STXBP5: variants seen among roughly 807,000 people sequenced by gnomAD.
The protein encoded by STXBP5 is syntaxin-binding protein 5.
A neutral mutation model predicts 152.4 loss-of-function variants in STXBP5; 50 were observed. That is an observed-to-expected ratio of 0.33 (90% CI 0.26 to 0.42). STXBP5 has a LOEUF of 0.42. STXBP5 is among the 10% of genes least tolerant of loss of function. The pLI is 1.00. For missense variants in STXBP5, 1,167 were observed against 1,388.6 expected (o/e 0.84, Z 2.54); for synonymous variants, 492 against 494.7 (o/e 0.99, Z 0.07).
intron 9 of STXBP5, chr6:147,293,338 A>G (rs191576273): frequency 6.6e-6 from 1 of 152,274 alleles, no homozygotes; most frequent in East Asian, 1.9e-4. Flanking sequence ...TTCTTTTGTC[A>G]CCTAAGATGG....
chr6:147,291,720 G>T (rs749089922), intron 9 of STXBP5, among the ~76,000 whole-genome samples: 1 of 151,782 alleles, frequency 6.6e-6, no homozygotes, highest in Non-Finnish European at 1.5e-5. Context: ...GTATATTTTT[G>T]TGTCAAATGT....
At chr6:147,376,405 C>A (rs557482595) in intron 26 of STXBP5, among the ~76,000 whole-genome samples, 2 of 152,150 alleles carry the variant, frequency 1.3e-5, no homozygotes, top group South Asian at 4.1e-4. Flanking sequence ...GAATACAAAG[C>A]AGGTGGGATA....
At chr6:147,290,685 G>C (rs2068111) in intron 8 of STXBP5, among the ~76,000 whole-genome samples, 65,712 of 152,004 alleles carry the variant, frequency 0.43, 14,478 homozygotes, top group East Asian at 0.71. Flanking sequence ...TATTAGCATA[G>C]GGCTTAATAT....
intron 21 of STXBP5, among the ~76,000 whole-genome samples, chr6:147,345,647 C>T (rs1175376017): frequency 6.6e-6 from 1 of 152,032 alleles, no homozygotes; most frequent in Non-Finnish European, 1.5e-5. Flanking sequence ...TACCTTTTAC[C>T]TTTACGTTAT....
intron 7 of STXBP5, among the ~76,000 whole-genome samples, chr6:147,272,363 G>A (rs189380019): frequency 1.1e-3 from 167 of 152,266 alleles, no homozygotes; most frequent in Non-Finnish European, 1.9e-3. Flanking sequence ...CTTAACACAC[G>A]TTAATATTCA....
intron 2 of STXBP5, among the ~76,000 whole-genome samples, chr6:147,211,624 T>C (rs1009653355): frequency 9.9e-5 from 15 of 152,226 alleles, no homozygotes; most frequent in Non-Finnish European, 2.9e-5. Context: ...GGGGTCTTAC[T>C]CTGTTACCCT....
intron 6 of STXBP5, 25 bp downstream of exon 6, chr6:147,262,378 A>C: frequency 7.3e-7 from 1 of 1,372,042 alleles, no homozygotes; most frequent in Non-Finnish European, 9.9e-7. Flanking sequence ...AAAAAATTAT[A>C]TATTAAATGC....
chr6:147,284,633 G>T (rs921611239), intron 8 of STXBP5, among the ~76,000 whole-genome samples: 1 of 152,184 alleles, frequency 6.6e-6, no homozygotes, highest in South Asian at 2.1e-4. Flanking sequence ...GGATGATACT[G>T]GTGGTATAAG....
chr6:147,328,972 G>C (rs1400460534), intron 18 of STXBP5, among the ~76,000 whole-genome samples: 1 of 152,030 alleles, frequency 6.6e-6, no homozygotes, highest in Non-Finnish European at 1.5e-5. Context: ...TCTTTGTAAA[G>C]CCAAGATACT....
chr6:147,253,958 T>A (rs1290451254), intron 4 of STXBP5, among the ~76,000 whole-genome samples: 1 of 152,134 alleles, frequency 6.6e-6, no homozygotes, highest in Non-Finnish European at 1.5e-5. Flanking sequence ...AAATTTTATG[T>A]GGAACCAAAA....
At chr6:147,365,465 AC>A (rs1256370215) in intron 25 of STXBP5, among the ~76,000 whole-genome samples, 1 of 152,136 alleles carries the variant, frequency 6.6e-6, no homozygotes, top group Admixed American at 6.5e-5. Context: ...TAAACTTCAC[AC>A]TTTTCTGGGA....
chr6:147,368,671 A>G lies in STXBP5; in HGVS notation c.3081+4505A>G, dbSNP rs560053790. On this transcript the variant is annotated intron_variant, in intron 25 of 27. Coordinates refer to ENST00000321680, the MANE Select transcript of STXBP5 (RefSeq NM_001127715.4). ...AGGAAAGCGGCTGTCTTTATTCACAATGACATGATCATCAGTATAGGAAAT... is the reference window on the plus strand; with the variant it reads ...AGGAAAGCGGCTGTCTTTATTCACAGTGACATGATCATCAGTATAGGAAAT... 7.9e-5 allele frequency among the ~76,000 whole-genome samples: 12 copies of G among 152,228 alleles called. No homozygotes were observed. The South Asian group carries it at 2.3e-3, about 29-fold the overall frequency.
intron 16 of STXBP5, among the ~76,000 whole-genome samples, chr6:147,321,830 A>G (rs1365662318): frequency 2.0e-5 from 3 of 152,184 alleles, no homozygotes; most frequent in African/African-American, 7.2e-5. Flanking sequence ...TTATACCATA[A>G]CCATTTAGAA....
chr6:147,215,537 C>T (rs148891738), intron 2 of STXBP5, among the ~76,000 whole-genome samples: 27 of 152,170 alleles, frequency 1.8e-4, no homozygotes, highest in Non-Finnish European at 3.2e-4. Context: ...CACGCCACCA[C>T]GCCTGGCTAA....
intron 7 of STXBP5, among the ~76,000 whole-genome samples, chr6:147,273,701 C>T (rs1440392729): frequency 6.6e-6 from 1 of 152,106 alleles, no homozygotes; most frequent in Non-Finnish European, 1.5e-5. Flanking sequence ...CCTGTAATCC[C>T]AGCACTTTGG....
At chr6:147,258,961 G>A (rs1241194952) in intron 4 of STXBP5, among the ~76,000 whole-genome samples, 1 of 151,918 alleles carries the variant, frequency 6.6e-6, no homozygotes, top group East Asian at 1.9e-4. Context: ...ATGACAATTT[G>A]CCAGTTAAGA....
chr6:147,313,024 A>C (rs1001554486), intron 11 of STXBP5, among the ~76,000 whole-genome samples: 1 of 152,196 alleles, frequency 6.6e-6, no homozygotes, highest in Non-Finnish European at 1.5e-5. Context: ...GTGTGTTATA[A>C]AGAGAAGAAA....
rs192452322 is a variant in STXBP5 at position 147,322,971 on chromosome 6, A to G, written c.1803-1988A>G. Among the ~76,000 whole-genome samples the G allele has an allele frequency of 1.8e-3, 268 of 152,258 alleles. 1 individual carries two copies. Among genetic ancestry groups the G allele is most frequent in the East Asian group, 5.2e-3 (27 of 5,164 alleles). ...ATGAGGTTTGGGAATAGGTAGTCAT[A>G]CCTGCTGACTAGTTTCACTTGTAGT... On this transcript the variant is annotated intron_variant, in intron 16 of 27. Transcript: ENST00000321680.
At chr6:147,311,650 C>T in intron 11 of STXBP5, 123 bp downstream of exon 11, 1 of 654,948 alleles carries the variant, frequency 1.5e-6, no homozygotes, top group Non-Finnish European at 2.5e-6. Flanking sequence ...ACCTTGACCT[C>T]TTTTGAGAGC....
Sources: allele counts gnomAD v4.1 joint callset (sites outside exome capture counted in the v4.1 genomes callset), GRCh38; gene constraint gnomAD v4.1.1; transcripts MANE v1.5; gene names NCBI Gene and HGNC (gene_info 2026-07-23, HGNC 2026-07-21).